Variants in SYCP1 observed in about 807,000 individuals in gnomAD.
SYCP1 encodes cancer/testis antigen 8.
Under a neutral mutation model 153.1 loss-of-function variants are expected in SYCP1, and 64 were observed. That is an observed-to-expected ratio of 0.42 (90% CI 0.34 to 0.51). The LOEUF is 0.51. Ranked by LOEUF, SYCP1 falls within the 20% of genes least tolerant of loss-of-function variation. The probability of loss-of-function intolerance (pLI) is 0.06; values close to 1 mark genes in which losing one functional copy is unlikely to be tolerated. For missense variants in SYCP1, 997 were observed against 1,049.0 expected, an observed-to-expected ratio of 0.95 and a Z score of 0.68; for synonymous variants, 384 against 341.8, an observed-to-expected ratio of 1.12 and a Z score of -1.36.
chr1:114,875,664 G>A (rs1665477433), intron 9 of SYCP1, among the ~76,000 whole-genome samples: 1 of 152,156 alleles, frequency 6.6e-6, no homozygotes, highest in Non-Finnish European at 1.5e-5. Context: ...AAGATTTGTT[G>A]AATGCCGAAT....
At chr1:114,967,945 T>G (rs997224472) in intron 27 of SYCP1, among the ~76,000 whole-genome samples, 1 of 152,172 alleles carries the variant, frequency 6.6e-6, no homozygotes, top group African/African-American at 2.4e-5. Context: ...TAAGGTTAGT[T>G]TGGCTGGATA....
At chr1:114,932,779 C>A (rs1209126030) in intron 23 of SYCP1, among the ~76,000 whole-genome samples, 4 of 152,216 alleles carry the variant, frequency 2.6e-5, no homozygotes, top group African/African-American at 7.2e-5. Flanking sequence ...GGGAGGGTCC[C>A]ACGCCCAAGG....
At chr1:114,857,326 C>A in intron 4 of SYCP1, 51 bp downstream of exon 4, 1 of 1,565,014 alleles carries the variant, frequency 6.4e-7, no homozygotes, top group Non-Finnish European at 8.7e-7. Flanking sequence ...TAATGAACTG[C>A]TTATTTGAAG....
intron 23 of SYCP1, among the ~76,000 whole-genome samples, chr1:114,939,652 G>A (rs759779843): frequency 6.6e-6 from 1 of 152,148 alleles, no homozygotes; most frequent in Admixed American, 6.5e-5. Flanking sequence ...TTTGTTAAGG[G>A]ATATGAGGGA....
chr1:114,939,499 T>C (rs1454615443), intron 23 of SYCP1, among the ~76,000 whole-genome samples: 1 of 152,208 alleles, frequency 6.6e-6, no homozygotes, highest in Non-Finnish European at 1.5e-5. Context: ...GGAACATGGA[T>C]GAATCTTGTA....
intron 23 of SYCP1, among the ~76,000 whole-genome samples, chr1:114,929,537 C>T (rs1248593144): frequency 6.6e-6 from 1 of 151,732 alleles, no homozygotes; most frequent in Non-Finnish European, 1.5e-5. Context: ...CAATAGTAAG[C>T]ATAAGAAAGT....
chr1:114,882,387 C>T (rs73000539), intron 12 of SYCP1, among the ~76,000 whole-genome samples: 3 of 152,094 alleles, frequency 2.0e-5, no homozygotes, highest in African/African-American at 4.8e-5. Flanking sequence ...TTATTTCTCA[C>T]ACATCATGAA....
At chr1:114,950,076 T>C (rs374068461) in intron 27 of SYCP1, among the ~76,000 whole-genome samples, 1 of 152,180 alleles carries the variant, frequency 6.6e-6, no homozygotes, top group African/African-American at 2.4e-5. Context: ...AAAGGAAGAA[T>C]TATGTATTTC....
At chr1:114,937,544 T>C (rs1670104149) in intron 23 of SYCP1, among the ~76,000 whole-genome samples, 1 of 151,916 alleles carries the variant, frequency 6.6e-6, no homozygotes, top group Admixed American at 6.6e-5. Context: ...AATTGACAAA[T>C]GGGATCTAAT....
chr1:114,871,168 T>G (rs955544451), intron 8 of SYCP1, among the ~76,000 whole-genome samples: 38 of 152,058 alleles, frequency 2.5e-4, no homozygotes, highest in Non-Finnish European at 5.9e-5. Flanking sequence ...CCATCTTTTT[T>G]TTTTCTTTTT....
Position 114,947,316 on chromosome 1 carries a change from A to G in SYCP1, c.2318A>G (p.Glu773Gly), listed in dbSNP as rs140702992. 5 of 1,612,292 alleles carry G rather than the reference A, an allele frequency of 3.1e-6. No individual in the cohort carries two copies. The African/African-American group carries it at 5.3e-5, about 17-fold the overall frequency. The change falls in exon 27 of 32, where the codon GAG (glutamate) becomes GGG (glycine). Residue 773 changes from glutamate (E) to glycine (G), a missense_variant. By Grantham distance (98) the Glu-to-Gly change is moderately conservative. Transcript: ENST00000369522. ...VKKQLEIERE[E>G]KEKLKREAKE... ...AAGCAACTTGAAATAGAAAGAGAAG[A>G]GAAGGTAGGTTTTTTGGCATTATAG...
intron 28 of SYCP1, among the ~76,000 whole-genome samples, chr1:114,979,953 G>T (rs1570908966): frequency 6.6e-6 from 1 of 151,560 alleles, no homozygotes; most frequent in African/African-American, 2.4e-5. Context: ...TAATTTAAAC[G>T]CACTGAAAGT....
intron 18 of SYCP1, among the ~76,000 whole-genome samples, chr1:114,912,272 T>A (rs1668230340): frequency 6.6e-6 from 1 of 152,034 alleles, no homozygotes; most frequent in Non-Finnish European, 1.5e-5. Context: ...GACTGGTTAG[T>A]TATTTGTACT....
chr1:114,981,585 T>A, intron 29 of SYCP1, 73 bp downstream of exon 29: 1 of 1,348,040 alleles, frequency 7.4e-7, no homozygotes. Context: ...TCACCATATA[T>A]CTGGCATCAC....
chr1:114,983,383 G>C (rs539509608), intron 29 of SYCP1, among the ~76,000 whole-genome samples: 1 of 151,912 alleles, frequency 6.6e-6, no homozygotes, highest in Non-Finnish European at 1.5e-5. Flanking sequence ...AACGTTTGTT[G>C]TTTTTGACAA....
In SYCP1 at chr1:114,856,435, AAC is replaced by A. The variant is rs1340771754; in HGVS notation, c.109-135_109-134del. ...TATAGAAAAGGCATTTGATATTTTAAACACTGTATGTACATTAAAGGATTTGC... is the reference window on the plus strand; with the variant it reads ...TATAGAAAAGGCATTTGATATTTTAAACTGTATGTACATTAAAGGATTTGC... On this transcript the variant is annotated intron_variant, in intron 2 of 31. Transcript: ENST00000369522. 4 of 470,682 alleles carry A rather than the reference AAC, an allele frequency of 8.5e-6. No homozygotes were observed. The Admixed American group carries it at 1.6e-4, about 19-fold the overall frequency. The allele number at this position is 470,682 out of a possible 1,614,324, so 29.2% of individuals were successfully genotyped here. A position where few individuals can be genotyped will look rare whatever the true frequency, so the allele number is the denominator to read the frequency against.
chr1:114,952,686 T>G (rs1557829166), intron 27 of SYCP1, among the ~76,000 whole-genome samples: 1 of 152,176 alleles, frequency 6.6e-6, no homozygotes, highest in South Asian at 2.1e-4. Flanking sequence ...ACCTCATGAT[T>G]CAATTACTTC....
At chr1:114,870,791 T>C (rs1395193282) in intron 8 of SYCP1, among the ~76,000 whole-genome samples, 3 of 152,248 alleles carry the variant, frequency 2.0e-5, no homozygotes, top group South Asian at 4.1e-4. Flanking sequence ...CAGCATGTAG[T>C]TGGGTATTGT....
chr1:114,913,196 A>G, intron 19 of SYCP1, 46 bp downstream of exon 19: 1 of 1,485,176 alleles, frequency 6.7e-7, no homozygotes, highest in Non-Finnish European at 9.4e-7. Flanking sequence ...TCTTCCAATT[A>G]GCAGGTTAGA....
Sources: gnomAD v4.1 joint callset for allele counts (sites outside exome capture counted in the v4.1 genomes callset) on GRCh38, gnomAD v4.1.1 for gene constraint, MANE v1.5 for transcripts, NCBI Gene and HGNC (gene_info 2026-07-23, HGNC 2026-07-21) for gene names.